RB1: variants seen among roughly 807,000 people sequenced by gnomAD.
RB1 encodes retinoblastoma-associated protein.
Under a neutral mutation model 135.4 loss-of-function variants are expected in RB1, and 18 were observed. That is an observed-to-expected ratio of 0.13 (90% CI 0.09 to 0.20). The LOEUF (loss-of-function observed/expected upper bound fraction) is 0.20. RB1 is among the 10% of genes least tolerant of loss of function. The pLI, the probability that RB1 is intolerant of heterozygous loss-of-function variation, is 1.00. For synonymous variants in RB1, 365 were observed against 373.2 expected (o/e 0.98, Z 0.25); for missense variants, 868 against 1,110.0 (o/e 0.78, Z 3.10).
chr13:48,312,222 T>C (rs923612543), intron 2 of RB1, among the ~76,000 whole-genome samples: 7 of 152,224 alleles, frequency 4.6e-5, no homozygotes, highest in Admixed American at 4.6e-4. Flanking sequence ...ATTTCTTTTT[T>C]ATATTTAAAT....
At chr13:48,358,105 C>CT (rs1396567232) in intron 6 of RB1, among the ~76,000 whole-genome samples, 1 of 152,080 alleles carries the variant, frequency 6.6e-6, no homozygotes, top group Non-Finnish European at 1.5e-5. Context: ...TAATTGACCA[C>CT]TAGGCTGACC....
At chr13:48,344,972 T>C (rs1372145774) in intron 3 of RB1, 108 bp from the exon 4 acceptor site, 1 of 1,324,196 alleles carries the variant, frequency 7.6e-7, no homozygotes, top group Non-Finnish European at 1.0e-6. Flanking sequence ...AGTAGTGATT[T>C]GATGTAGAGC....
At chr13:48,338,070 G>C (rs198630) in intron 2 of RB1, among the ~76,000 whole-genome samples, 118,943 of 152,178 alleles carry the variant, frequency 0.78, 52,202 homozygotes, top group Non-Finnish European at 0.97. Flanking sequence ...GATGGGCTTC[G>C]CTTTGTGGGT....
At chr13:48,478,026 A>G (rs1246113907) in intron 26 of RB1, among the ~76,000 whole-genome samples, 1 of 152,204 alleles carries the variant, frequency 6.6e-6, no homozygotes, top group African/African-American at 2.4e-5. Flanking sequence ...GGAAAGAGAT[A>G]AATGTTCACT....
chr13:48,321,119 G>GCCAC (rs1425658980), intron 2 of RB1, among the ~76,000 whole-genome samples: 1 of 152,060 alleles, frequency 6.6e-6, no homozygotes, highest in Non-Finnish European at 1.5e-5. Context: ...CAGGCCCCCT[G>GCCAC]CCACCCACCG....
chr13:48,335,738 C>T (rs1356448681), intron 2 of RB1, among the ~76,000 whole-genome samples: 1 of 151,760 alleles, frequency 6.6e-6, no homozygotes, highest in Non-Finnish European at 1.5e-5. Flanking sequence ...AAAGTGCTAT[C>T]CTGAGTCCTT....
intron 17 of RB1, among the ~76,000 whole-genome samples, chr13:48,394,867 A>G (rs1396442384): frequency 6.6e-6 from 1 of 152,232 alleles, no homozygotes; most frequent in Non-Finnish European, 1.5e-5. Flanking sequence ...AGAGAGCAGC[A>G]GATCTCCCAG....
At chr13:48,317,673 C>A in intron 2 of RB1, 1 of 538,380 alleles carries the variant, frequency 1.9e-6, no homozygotes, top group Non-Finnish European at 2.8e-6. Context: ...CACTGGTGCT[C>A]CTGGGCGGTG....
chr13:48,396,442 A>G lies in RB1; in HGVS notation c.1695+14999A>G, dbSNP rs181848311. Among the ~76,000 whole-genome samples the G allele has an allele frequency of 3.2e-3, 495 of 152,324 alleles. 1 individual carries two copies. Among genetic ancestry groups the G allele is most frequent in the Admixed American group, 5.2e-3 (79 of 15,304 alleles). ...ATGATATTGGGAAAACTGACTAGCC[A>G]TATGCAGAAAACTGAAACTGGACCC... is the stretch of plus-strand genomic sequence containing the variant. On this transcript the variant is annotated intron_variant, in intron 17 of 26. Coordinates refer to ENST00000267163, the MANE Select transcript of RB1 (RefSeq NM_000321.3).
chr13:48,436,205 A>G (rs1430618459), intron 17 of RB1, among the ~76,000 whole-genome samples: 2 of 152,226 alleles, frequency 1.3e-5, no homozygotes, highest in Admixed American at 6.5e-5. Flanking sequence ...AAATGAGTTC[A>G]TGTTAATGTT....
At chr13:48,400,426 T>C (rs1393816039) in intron 17 of RB1, among the ~76,000 whole-genome samples, 1 of 152,150 alleles carries the variant, frequency 6.6e-6, no homozygotes, top group Non-Finnish European at 1.5e-5. Context: ...TTAGCCTCTA[T>C]GTTGCCTTTT....
chr13:48,448,764 A>G (rs1441721256), intron 17 of RB1, among the ~76,000 whole-genome samples: 1 of 152,256 alleles, frequency 6.6e-6, no homozygotes, highest in Non-Finnish European at 1.5e-5. Flanking sequence ...AGCTGAGAAA[A>G]GAGTTGAATG....
intron 11 of RB1, 149 bp downstream of exon 11, chr13:48,368,753 CCCAG>C: frequency 8.0e-7 from 1 of 1,249,148 alleles, no homozygotes; most frequent in Non-Finnish European, 1.1e-6. Context: ...CACCTGTAAT[CCCAG>C]CACTTTGGGA....
intron 1 of RB1, among the ~76,000 whole-genome samples, chr13:48,306,824 C>T (rs538220326): frequency 3.9e-5 from 6 of 152,188 alleles, no homozygotes; most frequent in Admixed American, 3.3e-4. Context: ...AATAAGCAGT[C>T]GCATCATGTA....
At chr13:48,438,209 G>C (rs1949202976) in intron 17 of RB1, among the ~76,000 whole-genome samples, 1 of 152,132 alleles carries the variant, frequency 6.6e-6, no homozygotes, top group African/African-American at 2.4e-5. Flanking sequence ...TCAAAGGCTT[G>C]TGTGCCAGGT....
chr13:48,393,702 C>A (rs956914775), intron 17 of RB1, among the ~76,000 whole-genome samples: 1 of 152,072 alleles, frequency 6.6e-6, no homozygotes, highest in Non-Finnish European at 1.5e-5. Context: ...CTGACTGATG[C>A]ATTATACTGT....
chr13:48,320,436 C>T, intron 2 of RB1: 3 of 1,016,806 alleles, frequency 3.0e-6, no homozygotes, highest in Non-Finnish European at 3.0e-6. Flanking sequence ...CCCATTTGGA[C>T]TGGGGAGCAA....
Position 48,412,236 on chromosome 13 carries a change from T to A in RB1, c.1695+30793T>A, listed in dbSNP as rs879255262. 2 of 1,614,048 alleles carry A rather than the reference T, an allele frequency of 1.2e-6. No homozygotes were observed. The highest frequency in any genetic ancestry group is 2.2e-5 in the South Asian group (2 of 91,076). On this transcript the variant is annotated intron_variant, in intron 17 of 26. Transcript: ENST00000267163. ...GGGTAAAGTAAAAACAAAAAGCAAGTCTGACATTGCCAAGTTAATCATGTA... is the reference window on the plus strand; with the variant it reads ...GGGTAAAGTAAAAACAAAAAGCAAGACTGACATTGCCAAGTTAATCATGTA...
chr13:48,444,618 CA>C (rs1375108831), intron 17 of RB1: 2 of 152,306 alleles, frequency 1.3e-5, no homozygotes, highest in African/African-American at 4.8e-5. Context: ...GGTATGGGAG[CA>C]GGGGTGCAGA....
Sources: allele counts gnomAD v4.1 joint callset (sites outside exome capture counted in the v4.1 genomes callset), GRCh38; gene constraint gnomAD v4.1.1; transcripts MANE v1.5; gene names NCBI Gene and HGNC (gene_info 2026-07-23, HGNC 2026-07-21).